The following CMIP variants were observed in gnomAD, a reference collection of about 807,000 sequenced individuals.
CMIP encodes c-Maf inducing protein.
A neutral mutation model predicts 97.3 loss-of-function variants in CMIP; 13 were observed. The observed-to-expected ratio is 0.13, with a 90% CI of 0.09 to 0.21. The LOEUF is 0.21. Ranked by LOEUF, CMIP falls within the 10% of genes least tolerant of loss-of-function variation. The probability of loss-of-function intolerance (pLI) is 1.00; values close to 1 mark genes in which losing one functional copy is unlikely to be tolerated. For missense variants in CMIP, 847 were observed against 1,024.9 expected, an observed-to-expected ratio of 0.83 and a Z score of 2.37; for synonymous variants, 538 against 436.3, an observed-to-expected ratio of 1.23 and a Z score of -2.91.
chr16:81,671,412 C>G (rs1293400120), intron 8 of CMIP, among the ~76,000 whole-genome samples: 1 of 152,296 alleles, frequency 6.6e-6, no homozygotes, highest in East Asian at 1.9e-4. Context: ...ATTAGTGGCA[C>G]TTATTGAGGA....
rs758280681 is a variant in CMIP at position 81,696,553 on chromosome 16, C to T, written c.1531-7C>T. On this transcript the variant is annotated splice_region_variant and splice_polypyrimidine_tract_variant and intron_variant, in intron 13 of 20. Transcript: ENST00000537098. The stretch of plus-strand genomic sequence containing the variant: ...AGCTCACACTTGTGTCTTCCCTTGT[C>T]TGGCAGGTCCACTCATGCCTGCTGA... 2.4e-5 allele frequency: 38 copies of T among 1,602,480 alleles called. No homozygotes were observed. Among genetic ancestry groups the T allele is most frequent in the Non-Finnish European group, 3.1e-5 (37 of 1,179,258 alleles).
intron 3 of CMIP, chr16:81,651,276 G>A (rs1373714475): frequency 4.9e-6 from 1 of 202,284 alleles, no homozygotes; most frequent in Non-Finnish European, 8.8e-6. Context: ...GCCCGGGCGG[G>A]GGTGGAGGGA....
rs547951900 is a variant in CMIP at position 81,589,719 on chromosome 16, T to A, written c.301-17848T>A. On this transcript the variant is annotated intron_variant, in intron 1 of 20. Coordinates refer to ENST00000537098, the MANE Select transcript of CMIP (RefSeq NM_198390.3). ...AGTATTTTCGAAGAAAAGTTTTTGT[T>A]GAACCAGATAAAATGCATACAGAGA... Among the ~76,000 whole-genome samples, 5 of 152,246 alleles carry A rather than the reference T, an allele frequency of 3.3e-5. No individual in the cohort carries two copies. In the East Asian group the frequency reaches 9.6e-4, roughly 29 times the overall value.
At chr16:81,583,347 G>T (rs1159898758) in intron 1 of CMIP, among the ~76,000 whole-genome samples, 1 of 152,250 alleles carries the variant, frequency 6.6e-6, no homozygotes. Flanking sequence ...GGGCCTGATG[G>T]TAGAAAAGGA....
intron 3 of CMIP, among the ~76,000 whole-genome samples, chr16:81,633,357 G>A (rs2092190852): frequency 1.3e-5 from 2 of 152,300 alleles, no homozygotes; most frequent in South Asian, 4.1e-4. Context: ...TCTTTTGTTG[G>A]CCTCCAGGGC....
At chr16:81,521,703 G>A (rs949542868) in intron 1 of CMIP, among the ~76,000 whole-genome samples, 2 of 152,198 alleles carry the variant, frequency 1.3e-5, no homozygotes. Context: ...GGGATGATGA[G>A]CTAACAGGAG....
At chr16:81,640,046 C>G (rs1377790430) in intron 3 of CMIP, among the ~76,000 whole-genome samples, 2 of 152,230 alleles carry the variant, frequency 1.3e-5, no homozygotes, top group African/African-American at 4.8e-5. Context: ...TGCCAGGGAC[C>G]CTGTGCGAGC....
intron 2 of CMIP, among the ~76,000 whole-genome samples, chr16:81,608,484 C>G (rs113107571): frequency 3.4e-4 from 51 of 152,224 alleles, no homozygotes; most frequent in African/African-American, 1.2e-3. Context: ...TAAGAGTGAG[C>G]GCCCTTTTTC....
At chr16:81,707,304 G>A (rs1178436139) in intron 20 of CMIP, among the ~76,000 whole-genome samples, 1 of 152,232 alleles carries the variant, frequency 6.6e-6, no homozygotes, top group Non-Finnish European at 1.5e-5. Flanking sequence ...GATCAGGGAT[G>A]GTGCCTTTGA....
chr16:81,702,062 A>G (rs1907477956), intron 16 of CMIP, among the ~76,000 whole-genome samples: 1 of 152,072 alleles, frequency 6.6e-6, no homozygotes, highest in Non-Finnish European at 1.5e-5. Flanking sequence ...AGACCCTTCC[A>G]TTTCAGTACA....
intron 1 of CMIP, among the ~76,000 whole-genome samples, chr16:81,539,290 A>G (rs2090404270): frequency 6.6e-6 from 1 of 152,200 alleles, no homozygotes; most frequent in Non-Finnish European, 1.5e-5. Context: ...GTTTGAGCGG[A>G]ATGGTGAGAA....
At chr16:81,505,189 T>C (rs2150783523) in intron 1 of CMIP, among the ~76,000 whole-genome samples, 1 of 152,324 alleles carries the variant, frequency 6.6e-6, no homozygotes, top group East Asian at 1.9e-4. Context: ...TGGCCACTTG[T>C]ACAGGACACA....
intron 9 of CMIP, among the ~76,000 whole-genome samples, chr16:81,676,299 A>G (rs991142280): frequency 1.3e-5 from 2 of 151,894 alleles, no homozygotes; most frequent in African/African-American, 4.8e-5. Context: ...TCGTGGGCTC[A>G]GGTCCATGAC....
intron 3 of CMIP, among the ~76,000 whole-genome samples, chr16:81,648,644 A>C (rs2092392622): frequency 6.6e-6 from 1 of 151,960 alleles, no homozygotes; most frequent in Non-Finnish European, 1.5e-5. Context: ...TTAGCTGGGC[A>C]TGGTGGTGCA....
intron 1 of CMIP, among the ~76,000 whole-genome samples, chr16:81,557,730 C>A (rs982895401): frequency 6.6e-6 from 1 of 152,152 alleles, no homozygotes; most frequent in Non-Finnish European, 1.5e-5. Flanking sequence ...GTTGCTACTC[C>A]ACTCCAGCCT....
At chr16:81,476,352 G>T in intron 1 of CMIP, 2 of 1,382,546 alleles carry the variant, frequency 1.4e-6, no homozygotes, top group Non-Finnish European at 2.1e-6. Context: ...ACCCTGGAAT[G>T]TTCCTGTGAA....
intron 1 of CMIP, among the ~76,000 whole-genome samples, chr16:81,531,905 G>T (rs753154878): frequency 2.0e-5 from 3 of 152,204 alleles, no homozygotes; most frequent in Non-Finnish European, 2.9e-5. Flanking sequence ...TTTAGAAATG[G>T]CTCATAAATT....
intron 3 of CMIP, among the ~76,000 whole-genome samples, chr16:81,629,890 C>T (rs961255277): frequency 6.6e-6 from 1 of 152,240 alleles, no homozygotes; most frequent in Admixed American, 6.5e-5. Flanking sequence ...CCATGACCGT[C>T]GTGTATCTCA....
chr16:81,652,003 G>A lies in CMIP; in HGVS notation c.478-200G>A. Reference sequence around the variant, plus strand: ...AAATGAGTCTAGTGTCAGGAGGCCTGGCTGCAAATGCACCCCGTGACTTTG... The same window carrying A: ...AAATGAGTCTAGTGTCAGGAGGCCTAGCTGCAAATGCACCCCGTGACTTTG... On this transcript the variant is annotated intron_variant, in intron 3 of 20. Coordinates refer to ENST00000537098, the MANE Select transcript of CMIP (RefSeq NM_198390.3). This position sits in a 1 kb window ranked among gnomAD's most constrained non-coding sequence, Gnocchi z 5.2. 6.6e-6 allele frequency among the ~76,000 whole-genome samples: 1 copy of A among 152,084 alleles called. No individual in the cohort carries two copies. Among genetic ancestry groups the A allele is most frequent in the Non-Finnish European group, 1.5e-5 (1 of 68,018 alleles).
Sources: gnomAD v4.1 joint callset for allele counts (sites outside exome capture counted in the v4.1 genomes callset) on GRCh38, gnomAD v4.1.1 for gene constraint, Gnocchi (gnomAD v3.1) non-coding constraint, MANE v1.5 for transcripts, NCBI Gene and HGNC (gene_info 2026-07-23, HGNC 2026-07-21) for gene names.